P2RX6: variants seen among roughly 807,000 people sequenced by gnomAD.
P2RX6 encodes the protein P2X purinoceptor 6.
Under a neutral mutation model 54.2 loss-of-function variants are expected in P2RX6, and 62 were observed. The observed-to-expected ratio is 1.14, with a 90% CI of 0.93 to 1.41. The LOEUF (loss-of-function observed/expected upper bound fraction) is 1.41, where lower values mean the gene tolerates loss of function less well. Ranked by LOEUF, P2RX6 falls within the 40% of genes most tolerant of loss-of-function variation. The pLI, the probability that P2RX6 is intolerant of heterozygous loss-of-function variation, is 0.00. For synonymous variants in P2RX6, 211 were observed against 231.9 expected (o/e 0.91, Z 0.82); for missense variants, 541 against 566.3 (o/e 0.96, Z 0.45).
At chr22:21,019,273 T>C (rs77330131) in intron 3 of P2RX6, among the ~76,000 whole-genome samples, 3,443 of 152,272 alleles carry the variant, frequency 0.023, 87 homozygotes, top group African/African-American at 0.066. Context: ...AGACATCCCA[T>C]GTCCGTAGTT....
chr22:21,014,922 C>T (rs1926072583), upstream of P2RX6: 2 of 421,058 alleles, frequency 4.7e-6, no homozygotes, highest in African/African-American at 4.2e-5. Flanking sequence ...ACCTCCACTC[C>T]CACCCCAGGA....
upstream of P2RX6, chr22:21,012,485 G>A: frequency 1.9e-6 from 1 of 517,200 alleles, no homozygotes; most frequent in South Asian, 1.8e-5. Context: ...TGAGGAAAGG[G>A]AGGACTCACG....
At chr22:21,012,737 TG>T, upstream of P2RX6, 1 of 310,448 alleles carries the variant, frequency 3.2e-6, no homozygotes. Context: ...GTCCCCCACC[TG>T]GAAAGTACCC....
chr22:21,017,734 G>GCACA (rs1198951790), intron 2 of P2RX6, among the ~76,000 whole-genome samples: 3 of 151,610 alleles, frequency 2.0e-5, no homozygotes, highest in African/African-American at 4.8e-5. Flanking sequence ...ACATACACAT[G>GCACA]CACACACACA....
intron 3 of P2RX6, among the ~76,000 whole-genome samples, chr22:21,022,083 AG>A (rs1441676492): frequency 1.3e-5 from 2 of 152,182 alleles, no homozygotes; most frequent in East Asian, 1.9e-4. Context: ...TCAGGAGGGA[AG>A]GGGCAGGGTG....
At chr22:21,016,445 C>T (rs966379316) in intron 2 of P2RX6, among the ~76,000 whole-genome samples, 7 of 151,898 alleles carry the variant, frequency 4.6e-5, no homozygotes, top group Non-Finnish European at 8.8e-5. Flanking sequence ...AAAAATTAGC[C>T]GGGCATGGTG....
intron 3 of P2RX6, chr22:21,018,880 C>T (rs1369639832): frequency 1.3e-5 from 2 of 152,034 alleles, no homozygotes; most frequent in East Asian, 3.9e-4. Flanking sequence ...CTCGGCCTCC[C>T]AAAGTGCTGG....
At position 21,026,136 on chromosome 22, in the gene P2RX6, T is replaced by A; in HGVS notation, c.1050+60T>A. The A allele has an allele frequency of 3.2e-6, 5 of 1,557,594 alleles. No homozygotes were observed. Among genetic ancestry groups the A allele is most frequent in the Non-Finnish European group, 4.4e-6 (5 of 1,144,846 alleles). On this transcript the variant is annotated intron_variant, in intron 10 of 11. Transcript: ENST00000413302. The surrounding 1 kb of genome is among the most constrained non-coding windows in gnomAD (Gnocchi z 4.0). The stretch of plus-strand genomic sequence containing the variant: ...AGTGAGTGCTGCTGACCAGGGTGTG[T>A]CCAATGCATGCTGGAGCCTCCGGTG...
upstream of P2RX6, chr22:21,011,543 G>A (rs1925737237): frequency 4.2e-6 from 3 of 714,800 alleles, no homozygotes; most frequent in Non-Finnish European, 7.8e-6. Flanking sequence ...GCGGCACAGA[G>A]GGCCTGGGCT....
intron 3 of P2RX6, among the ~76,000 whole-genome samples, chr22:21,022,125 T>C (rs769392263): frequency 7.4e-4 from 112 of 152,204 alleles, no homozygotes; most frequent in Non-Finnish European, 1.2e-3. Context: ...CCCAGCACTC[T>C]GGGAGGCTGA....
upstream of P2RX6, chr22:21,015,048 T>C: frequency 1.8e-6 from 1 of 559,696 alleles, no homozygotes; most frequent in South Asian, 2.6e-5. Flanking sequence ...GGTTGAGGGC[T>C]GGGTGTTGGA....
At chr22:21,020,958 G>C (rs890793908) in intron 3 of P2RX6, among the ~76,000 whole-genome samples, 3 of 152,032 alleles carry the variant, frequency 2.0e-5, no homozygotes, top group African/African-American at 7.3e-5. Context: ...CGACACAGAG[G>C]GGGCTTGGTG....
rs779113067 is a variant in P2RX6, at chr22:21,025,896, C to T, written c.982C>T (p.Gln328Ter). 1 of 1,576,676 alleles carries T rather than the reference C, an allele frequency of 6.3e-7. No homozygotes were observed. Among genetic ancestry groups the T allele is most frequent in the Admixed American group, 1.9e-5 (1 of 53,726 alleles). The change falls in exon 9 of 12, where the codon CAG becomes TAG. Residue 328 changes from glutamine to a stop codon, truncating the protein, a stop_gained and splice_region_variant. Coordinates refer to ENST00000413302, the MANE Select transcript of P2RX6 (RefSeq NM_005446.5). LOFTEE classifies it high-confidence loss of function. ...CCGCTTCGACATCCTCGTCACCGGG[C>T]AGGTAGGCACAGGTAGGGGTCAGGC... ...GIRFDILVTG[Q>*]AGKFGLIPTA... is the part of the protein sequence containing the mutation.
At chr22:21,017,052 C>T (rs1035006002) in intron 2 of P2RX6, among the ~76,000 whole-genome samples, 2 of 152,204 alleles carry the variant, frequency 1.3e-5, no homozygotes, top group Non-Finnish European at 2.9e-5. Flanking sequence ...AGATTTTTCA[C>T]CACTACCCAT....
chr22:21,014,886 C>T, upstream of P2RX6: 11 of 348,808 alleles, frequency 3.2e-5, no homozygotes, highest in Non-Finnish European at 5.6e-5. Context: ...GCACTGATAA[C>T]AGCTGTCCGT....
At position 21,026,491 on chromosome 22, in the gene P2RX6, C is replaced by A; in HGVS notation, c.1200C>A (p.Ala400=). The change falls in exon 12 of 12, where the codon GCC becomes GCA. Residue 400 remains alanine (A), a synonymous_variant. Coordinates refer to ENST00000413302, the MANE Select transcript of P2RX6 (RefSeq NM_005446.5). This position sits in a 1 kb window ranked among gnomAD's most constrained non-coding sequence, Gnocchi z 4.0. ...ELALASQARL[A]ECLRRSSAPA... The stretch of plus-strand genomic sequence containing the variant: ...CCCTTGCATCCCAAGCCCGACTGGC[C>A]GAGTGCCTCAGACGGAGCTCAGCAC... The A allele has an allele frequency of 6.3e-7, 1 of 1,599,580 alleles. No homozygotes were observed. Among genetic ancestry groups the A allele is most frequent in the South Asian group, 1.1e-5 (1 of 88,014 alleles).
In P2RX6 at chr22:21,016,061, G is replaced by C. The variant is rs1307867186; in HGVS notation, c.284G>C (p.Trp95Ser). The change falls in exon 2 of 12, where the codon TGG becomes TCG. Residue 95 changes from tryptophan to serine, a missense_variant. Physicochemically the swap from Trp to Ser is radical, Grantham distance 177. Around this residue, in one of 2 missense-constraint regions of P2RX6, gnomAD observed 526 missense variants for 531.5 expected, o/e 0.99. Transcript: ENST00000413302. ...ATCAAGGAGCTTGGAAACCGGCTGT[G>C]GGATGTGGCCGACTTCGTGAAGCCA... ...TQIKELGNRL[W>S]DVADFVKPPQ... 5 of 1,563,712 alleles carry C rather than the reference G, an allele frequency of 3.2e-6. No homozygotes were observed. The highest frequency in any genetic ancestry group is 4.3e-6 in the Non-Finnish European group (5 of 1,154,824).
At chr22:21,024,879 T>TGTTG (rs1555942103) in intron 8 of P2RX6, among the ~76,000 whole-genome samples, 1 of 17,012 alleles carries the variant, frequency 5.9e-5, no homozygotes, top group African/African-American at 1.8e-4. Flanking sequence ...TTTTTTTGTG[T>TGTTG]TTTTTTTTTT....
At chr22:21,015,871 T>G (rs1926270489) in intron 1 of P2RX6, 71 bp from the exon 2 acceptor site, 2 of 1,463,394 alleles carry the variant, frequency 1.4e-6, no homozygotes, top group Non-Finnish European at 1.8e-6. Flanking sequence ...GAACTGAGCA[T>G]GTAGGGCTCA....
Sources: allele counts gnomAD v4.1 joint callset (sites outside exome capture counted in the v4.1 genomes callset), GRCh38; gene constraint gnomAD v4.1.1; regional missense constraint gnomAD v4.1.1; non-coding constraint Gnocchi (gnomAD v3.1); transcripts MANE v1.5; gene names NCBI Gene and HGNC (gene_info 2026-07-23, HGNC 2026-07-21).